The following SPAG16 variants were observed in gnomAD, a reference collection of about 807,000 sequenced individuals.
SPAG16 encodes the protein sperm associated antigen 16.
Under a neutral mutation model 80.4 loss-of-function variants are expected in SPAG16, and 86 were observed. That is an observed-to-expected ratio of 1.07 (90% CI 0.90 to 1.28). The LOEUF (loss-of-function observed/expected upper bound fraction) is 1.28, where lower values mean the gene tolerates loss of function less well. Among genes scored for constraint, SPAG16 ranks in the 50% most tolerant of loss-of-function variants. The probability of loss-of-function intolerance (pLI) is 0.00; values close to 1 mark genes in which losing one functional copy is unlikely to be tolerated. For missense variants in SPAG16, 870 were observed against 765.3 expected, an observed-to-expected ratio of 1.14 and a Z score of -1.61; for synonymous variants, 294 against 265.9, an observed-to-expected ratio of 1.11 and a Z score of -1.03.
At chr2:214,239,043 T>C (rs1026128502) in intron 15 of SPAG16, 1 of 152,222 alleles carries the variant, frequency 6.6e-6, no homozygotes, top group South Asian at 2.1e-4. Flanking sequence ...CATAATATTT[T>C]TTTTTGAGAC....
intron 10 of SPAG16, among the ~76,000 whole-genome samples, chr2:213,702,062 G>T (rs535262758): frequency 6.6e-6 from 1 of 152,016 alleles, no homozygotes; most frequent in South Asian, 2.1e-4. Flanking sequence ...TAATCTAGTG[G>T]GGACTTGGAG....
At chr2:214,023,052 A>T (rs530734617) in intron 13 of SPAG16, among the ~76,000 whole-genome samples, 1 of 151,960 alleles carries the variant, frequency 6.6e-6, no homozygotes, top group African/African-American at 2.4e-5. Flanking sequence ...ATAATTTAAT[A>T]TTCCCCGTTC....
At chr2:214,006,949 C>G (rs1173178845) in intron 12 of SPAG16, among the ~76,000 whole-genome samples, 3 of 152,102 alleles carry the variant, frequency 2.0e-5, no homozygotes, top group Non-Finnish European at 4.4e-5. Context: ...CTCCTTCCCC[C>G]CCACCACCAT....
intron 10 of SPAG16, among the ~76,000 whole-genome samples, chr2:213,844,732 C>A (rs1187154931): frequency 6.6e-6 from 1 of 152,034 alleles, no homozygotes; most frequent in Non-Finnish European, 1.5e-5. Flanking sequence ...ATAGTTATAG[C>A]CAGTTTTTTA....
intron 14 of SPAG16, among the ~76,000 whole-genome samples, chr2:214,134,734 C>T (rs1194128605): frequency 6.6e-6 from 1 of 152,192 alleles, no homozygotes; most frequent in Non-Finnish European, 1.5e-5. Flanking sequence ...TCTTAACTTA[C>T]TGAGACTAGT....
intron 13 of SPAG16, among the ~76,000 whole-genome samples, chr2:214,097,038 T>C (rs780270746): frequency 6.6e-5 from 10 of 152,068 alleles, no homozygotes; most frequent in Non-Finnish European, 1.2e-4. Context: ...TTATATAAAT[T>C]GCTCTATTGT....
At chr2:213,415,508 G>A (rs1043508265) in intron 9 of SPAG16, among the ~76,000 whole-genome samples, 2 of 152,238 alleles carry the variant, frequency 1.3e-5, no homozygotes, top group African/African-American at 4.8e-5. Context: ...CTGGGTGAGA[G>A]ATGGGCACAG....
intron 12 of SPAG16, among the ~76,000 whole-genome samples, chr2:213,937,407 T>A (rs1233354235): frequency 1.3e-5 from 2 of 152,050 alleles, no homozygotes; most frequent in Non-Finnish European, 2.9e-5. Flanking sequence ...AAAGTAATGC[T>A]TAAAATATAA....
rs148693734 is a variant in SPAG16, at chr2:213,437,068, C to T, written c.943-52895C>T. Among the ~76,000 whole-genome samples the T allele has an allele frequency of 4.9e-3, 742 of 152,150 alleles. 4 individuals carry two copies. The highest frequency in any genetic ancestry group is 0.016 in the African/African-American group (650 of 41,500). ...CTGGGATTACAGGCACCCACCACCG[C>T]GCCCGGCTAATGTTTTGTATTTTTA... is the stretch of plus-strand genomic sequence containing the variant. On this transcript the variant is annotated intron_variant, in intron 9 of 15. Coordinates refer to ENST00000331683, the MANE Select transcript of SPAG16 (RefSeq NM_024532.5).
rs534693717 is a variant in SPAG16 at position 213,537,786 on chromosome 2, C to A, written c.1070+47696C>A. 3.9e-5 allele frequency among the ~76,000 whole-genome samples: 6 copies of A among 152,252 alleles called. No individual in the cohort carries two copies. The South Asian group carries it at 1.2e-3, about 32-fold the overall frequency. ...GTTAAGGAATAGAACCTATTGATGTCACAATGTCAGTTACCTACTTCTCTG... is the reference window on the plus strand; with the variant it reads ...GTTAAGGAATAGAACCTATTGATGTAACAATGTCAGTTACCTACTTCTCTG... On this transcript the variant is annotated intron_variant, in intron 10 of 15. Coordinates refer to ENST00000331683, the MANE Select transcript of SPAG16 (RefSeq NM_024532.5).
At chr2:213,292,489 C>A (rs1011563879) in intron 1 of SPAG16, among the ~76,000 whole-genome samples, 1 of 150,892 alleles carries the variant, frequency 6.6e-6, no homozygotes, top group Non-Finnish European at 1.5e-5. Flanking sequence ...ACGGTGAAAC[C>A]CCGTCTCTAC....
chr2:214,190,750 C>G (rs1264860781), intron 15 of SPAG16, among the ~76,000 whole-genome samples: 1 of 152,118 alleles, frequency 6.6e-6, no homozygotes, highest in Non-Finnish European at 1.5e-5. Flanking sequence ...GCTCCCTCTT[C>G]ACCTTGAGAG....
intron 10 of SPAG16, among the ~76,000 whole-genome samples, chr2:213,803,399 G>A (rs546501281): frequency 6.6e-6 from 1 of 152,270 alleles, no homozygotes; most frequent in East Asian, 1.9e-4. Context: ...TCCTAAGGGG[G>A]AAAATACAGA....
intron 10 of SPAG16, 25 bp from the exon 11 acceptor site, chr2:213,862,460 C>T (rs765672420): frequency 1.9e-6 from 3 of 1,610,898 alleles, no homozygotes; most frequent in African/African-American, 2.7e-5. Flanking sequence ...CTCCCCATAA[C>T]TCTTTTTTCT....
chr2:214,324,487 A>C (rs565904305), intron 15 of SPAG16, among the ~76,000 whole-genome samples: 2 of 152,318 alleles, frequency 1.3e-5, no homozygotes, highest in South Asian at 4.1e-4. Context: ...GGACTTAAGA[A>C]GACTTTCCCA....
chr2:213,673,670 A>G (rs2063912489), intron 10 of SPAG16, among the ~76,000 whole-genome samples: 1 of 152,228 alleles, frequency 6.6e-6, no homozygotes, highest in African/African-American at 2.4e-5. Context: ...TCAGTGTTGA[A>G]AATGGTGCAA....
chr2:213,386,028 A>G (rs914150079), intron 9 of SPAG16, among the ~76,000 whole-genome samples: 2 of 152,198 alleles, frequency 1.3e-5, no homozygotes, highest in African/African-American at 4.8e-5. Flanking sequence ...TAAAAATAAC[A>G]TGACAATTCA....
intron 13 of SPAG16, among the ~76,000 whole-genome samples, chr2:214,102,220 G>T (rs2053096295): frequency 6.6e-6 from 1 of 151,694 alleles, no homozygotes; most frequent in Non-Finnish European, 1.5e-5. Context: ...AGGCCTTGGG[G>T]ATGAGAAGAC....
intron 7 of SPAG16, among the ~76,000 whole-genome samples, chr2:213,351,350 A>G (rs1332180853): frequency 1.3e-5 from 2 of 152,138 alleles, no homozygotes; most frequent in Non-Finnish European, 2.9e-5. Context: ...TGCAAAGACC[A>G]AAGACATACC....
Sources: gnomAD v4.1 joint callset for allele counts (sites outside exome capture counted in the v4.1 genomes callset) on GRCh38, gnomAD v4.1.1 for gene constraint, MANE v1.5 for transcripts, NCBI Gene and HGNC (gene_info 2026-07-23, HGNC 2026-07-21) for gene names.